Variants in PM20D1 observed in about 807,000 individuals in gnomAD.
The protein encoded by PM20D1 is peptidase M20 domain containing 1.
Under a neutral mutation model 53.8 loss-of-function variants are expected in PM20D1, and 53 were observed. The ratio of observed to expected loss-of-function variants is 0.98; its 90% CI spans 0.79 to 1.24. The LOEUF (loss-of-function observed/expected upper bound fraction) is 1.24. PM20D1 is among the 50% of genes most tolerant of loss of function. The pLI, the probability that PM20D1 is intolerant of heterozygous loss-of-function variation, is 0.00. For missense variants in PM20D1, 564 were observed against 616.8 expected, an observed-to-expected ratio of 0.91 and a Z score of 0.91; for synonymous variants, 239 against 241.3, an observed-to-expected ratio of 0.99 and a Z score of 0.09.
At chr1:205,843,205 C>G (rs1350704947) in intron 6 of PM20D1, among the ~76,000 whole-genome samples, 1 of 152,204 alleles carries the variant, frequency 6.6e-6, no homozygotes, top group Non-Finnish European at 1.5e-5. Context: ...ATTTCGACAG[C>G]TCTACCAGTC....
At position 205,849,487 on chromosome 1, in the gene PM20D1, A is replaced by C. The variant is rs549730268; in HGVS notation, c.169+417T>G. Among the ~76,000 whole-genome samples the C allele has an allele frequency of 2.0e-5, 3 of 152,190 alleles. No homozygotes were observed. The South Asian group carries it at 6.2e-4, about 32-fold the overall frequency. On this transcript the variant is annotated intron_variant, in intron 1 of 12. Coordinates refer to ENST00000367136, the MANE Select transcript of PM20D1 (RefSeq NM_152491.5). ...AGATCATTTAGCTGACCTAAGCCTC[A>C]ATTTCTCTCCTTTGTAGATAAGACT...
chr1:205,835,716 C>CA (rs1175931843), intron 10 of PM20D1, among the ~76,000 whole-genome samples: 5 of 148,324 alleles, frequency 3.4e-5, no homozygotes, highest in Non-Finnish European at 5.9e-5. Context: ...ACATGGTAAG[C>CA]ACTCAAAAAA....
In PM20D1 at chr1:205,846,781, T is replaced by C. The variant is rs371921393; in HGVS notation, c.256+1104A>G. 7.2e-5 allele frequency among the ~76,000 whole-genome samples: 11 copies of C among 152,058 alleles called. No homozygotes were observed. The South Asian group carries it at 1.5e-3, about 20-fold the overall frequency. ...GAAATAAATTTTATCTCTCTCTGGG[T>C]TTTTTGGAAGAATTCACATAAACTT... On this transcript the variant is annotated intron_variant, in intron 2 of 12. Transcript: ENST00000367136.
At chr1:205,837,424 G>T (rs777754106) in intron 10 of PM20D1, among the ~76,000 whole-genome samples, 1 of 152,144 alleles carries the variant, frequency 6.6e-6, no homozygotes, top group Non-Finnish European at 1.5e-5. Flanking sequence ...CTTTCCACAT[G>T]GCAGCCTCTT....
chr1:205,838,765 A>G (rs1281097822), intron 10 of PM20D1, among the ~76,000 whole-genome samples: 1 of 152,304 alleles, frequency 6.6e-6, no homozygotes, highest in South Asian at 2.1e-4. Context: ...TAATTTCTGA[A>G]TTCCCAATCT....
intron 6 of PM20D1, 150 bp from the exon 7 acceptor site, chr1:205,842,901 A>G: frequency 3.0e-6 from 2 of 662,394 alleles, no homozygotes; most frequent in East Asian, 2.7e-5. Flanking sequence ...CCAACTCAAC[A>G]TTCTGAAGAT....
Position 205,830,331 on chromosome 1 carries a change from G to T in PM20D1, c.1334C>A (p.Thr445Asn). 1 of 1,613,256 alleles carries T rather than the reference G, an allele frequency of 6.2e-7. No individual in the cohort carries two copies. ...TDSRFFTNLT[T>N]GIYRFYPIYI... is the part of the protein sequence containing the mutation. ...GATGGGGTAGAACCTGTAGATGCCA[G>T]TGGTGAGGTTTGTAAAGAATCGGCT... The change falls in exon 12 of 13, where the codon ACT becomes AAT. Residue 445 changes from threonine (T) to asparagine (N), a missense_variant. Transcript: ENST00000367136.
Position 205,836,752 on chromosome 1 carries a change from C to T in PM20D1, c.1116+3500G>A, listed in dbSNP as rs1409511461. ...TCCTGGCCTCAAGCAATCCTCTGGCCTCAGCCTCCCAAAGCACTGGGATTA... is the reference window on the plus strand; with the variant it reads ...TCCTGGCCTCAAGCAATCCTCTGGCTTCAGCCTCCCAAAGCACTGGGATTA... On this transcript the variant is annotated intron_variant, in intron 10 of 12. Transcript: ENST00000367136. 2.0e-5 allele frequency among the ~76,000 whole-genome samples: 3 copies of T among 152,284 alleles called. No individual in the cohort carries two copies. In the East Asian group the frequency reaches 5.8e-4, roughly 29 times the overall value.
chr1:205,828,891 C>G, intron 12 of PM20D1, 148 bp from the exon 13 acceptor site: 1 of 1,036,048 alleles, frequency 9.7e-7, no homozygotes, highest in Non-Finnish European at 1.4e-6. Context: ...AAGGGAGGGG[C>G]CATCTGAGAT....
At position 205,844,902 on chromosome 1, in the gene PM20D1, G is replaced by C; in HGVS notation, c.490-5C>G. 6.2e-7 allele frequency: 1 copy of C among 1,612,504 alleles called. No homozygotes were observed. Among genetic ancestry groups the C allele is most frequent in the Non-Finnish European group, 8.5e-7 (1 of 1,179,100 alleles). ...CTCCAAGGCCTGCAGTAATGCCTGG[G>C]GTTCAGAAGCACAATGGAAGAGGAA... is the stretch of plus-strand genomic sequence containing the variant. On this transcript the variant is annotated splice_polypyrimidine_tract_variant and splice_region_variant and intron_variant, in intron 3 of 12. Coordinates refer to ENST00000367136, the MANE Select transcript of PM20D1 (RefSeq NM_152491.5).
At chr1:205,841,082 G>A (rs547687876) in intron 9 of PM20D1, among the ~76,000 whole-genome samples, 1 of 152,192 alleles carries the variant, frequency 6.6e-6, no homozygotes, top group Admixed American at 6.5e-5. Context: ...AAGCCAGTCA[G>A]GCAGTAATTG....
intron 11 of PM20D1, 118 bp downstream of exon 11, chr1:205,832,480 G>T: frequency 9.1e-7 from 1 of 1,102,676 alleles, no homozygotes; most frequent in Non-Finnish European, 1.3e-6. Context: ...TCATCAGGAG[G>T]GGAAGCAGCC....
intron 5 of PM20D1, 109 bp downstream of exon 5, chr1:205,843,978 G>C: frequency 6.7e-7 from 1 of 1,489,052 alleles, no homozygotes; most frequent in Non-Finnish European, 9.1e-7. Context: ...ATTAATGCGA[G>C]AGGTGTACAC....
intron 4 of PM20D1, among the ~76,000 whole-genome samples, 181 bp downstream of exon 4, chr1:205,844,630 C>T (rs2102530410): frequency 6.6e-6 from 1 of 152,256 alleles, no homozygotes; most frequent in Admixed American, 6.5e-5. Flanking sequence ...GGCACAGGGC[C>T]CAGGAATCTG....
intron 3 of PM20D1, 52 bp from the exon 4 acceptor site, chr1:205,844,949 A>G (rs772923997): frequency 1.3e-6 from 2 of 1,485,330 alleles, no homozygotes. Flanking sequence ...TTAGGTGGGA[A>G]TACCAGGGTA....
chr1:205,840,410 C>A, intron 9 of PM20D1, 87 bp from the exon 10 acceptor site: 2 of 1,275,162 alleles, frequency 1.6e-6, no homozygotes, highest in Admixed American at 2.1e-5. Flanking sequence ...TTCCTCAGCT[C>A]AGGCAGAGTT....
chr1:205,847,748 A>G (rs1276144821), intron 2 of PM20D1, 137 bp downstream of exon 2: 66 of 725,900 alleles, frequency 9.1e-5, no homozygotes, highest in Non-Finnish European at 2.6e-5. Flanking sequence ...GAGCAAATCT[A>G]CAGTCTCTAC....
Position 205,845,350 on chromosome 1 carries a change from G to A in PM20D1, c.464C>T (p.Thr155Ile). 6.2e-7 allele frequency: 1 copy of A among 1,614,052 alleles called. No homozygotes were observed. The highest frequency in any genetic ancestry group is 2.2e-5 in the East Asian group (1 of 44,876). ...CATCACAGAGTTCTTGTCGTCCAGTGTGCCCCGACCATAGATGATGCCATC... is the reference window on the plus strand; with the variant it reads ...CATCACAGAGTTCTTGTCGTCCAGTATGCCCCGACCATAGATGATGCCATC... ...ERDGIIYGRGTLDDKNSVMAL... is the reference protein window; with the variant it reads ...ERDGIIYGRGILDDKNSVMAL... The change falls in exon 3 of 13, where the codon ACA becomes ATA. Residue 155 changes from threonine to isoleucine, a missense_variant. Coordinates refer to ENST00000367136, the MANE Select transcript of PM20D1 (RefSeq NM_152491.5).
chr1:205,848,089 A>G (rs1423655702), intron 1 of PM20D1, 118 bp from the exon 2 acceptor site: 2 of 915,282 alleles, frequency 2.2e-6, no homozygotes, highest in Admixed American at 2.4e-5. Flanking sequence ...AGGGCAAAAC[A>G]CTAATGTGAG....
Sources: allele counts gnomAD v4.1 joint callset (sites outside exome capture counted in the v4.1 genomes callset), GRCh38; gene constraint gnomAD v4.1.1; transcripts MANE v1.5; gene names NCBI Gene and HGNC (gene_info 2026-07-23, HGNC 2026-07-21).